DENND5A: variants seen among roughly 807,000 people sequenced by gnomAD.
DENND5A encodes DENN domain containing 5A.
Under a neutral mutation model 140.3 loss-of-function variants are expected in DENND5A, and 64 were observed. That is an observed-to-expected ratio of 0.46 (90% confidence interval 0.37 to 0.56). The LOEUF (loss-of-function observed/expected upper bound fraction) is 0.56. DENND5A is among the 20% of genes least tolerant of loss of function. The probability of loss-of-function intolerance (pLI) is 0.00; values close to 1 mark genes in which losing one functional copy is unlikely to be tolerated. For synonymous variants in DENND5A, 605 were observed against 607.7 expected, an observed-to-expected ratio of 1.00 and a Z score of 0.07; for missense variants, 1,292 against 1,593.8, an observed-to-expected ratio of 0.81 and a Z score of 3.22.
Position 9,265,043 on chromosome 11 carries a change from G to C in DENND5A, c.27C>G (p.Gly9=). MSGGGGGG[G]SAPSRFADYF... ...AGTCGGCGAAGCGACTGGGCGCCGA[G>C]CCCCCTCCGCCGCCGCCGCCACTCA... Residue 9 remains glycine, a synonymous_variant, in exon 1 of 23, where the codon GGC becomes GGG. Coordinates refer to ENST00000328194, the MANE Select transcript of DENND5A (RefSeq NM_015213.4). The surrounding 1 kb of genome is among the most constrained non-coding windows in gnomAD (Gnocchi z 4.7). 1 of 1,553,592 alleles carries C rather than the reference G, an allele frequency of 6.4e-7. No individual in the cohort carries two copies. The highest frequency in any genetic ancestry group is 8.7e-7 in the Non-Finnish European group (1 of 1,153,456).
intron 4 of DENND5A, among the ~76,000 whole-genome samples, chr11:9,202,760 G>A (rs1285475344): frequency 6.6e-6 from 1 of 151,992 alleles, no homozygotes; most frequent in Admixed American, 6.6e-5. Flanking sequence ...AATACACGAA[G>A]CACATTCTTG....
intron 14 of DENND5A, 58 bp downstream of exon 14, chr11:9,150,622 C>G (rs2136123441): frequency 7.7e-7 from 1 of 1,293,304 alleles, no homozygotes; most frequent in East Asian, 2.3e-5. Flanking sequence ...AAGTGGACAC[C>G]TAAGCAGCAA....
chr11:9,139,974 C>A, intron 22 of DENND5A, 120 bp from the exon 23 acceptor site: 1 of 1,069,808 alleles, frequency 9.3e-7, no homozygotes, highest in South Asian at 1.6e-5. Flanking sequence ...AGCTGACAGC[C>A]CCCCACACCC....
rs549440908 is a variant in DENND5A, at chr11:9,171,468, T to C, written c.1907-691A>G. The stretch of plus-strand genomic sequence containing the variant: ...AAGCACAAAGAAATCAAATTATTTC[T>C]AAGTAACTTAACTACATCCCAGAAC... On this transcript the variant is annotated intron_variant, in intron 8 of 22. Transcript: ENST00000328194. 2.0e-5 allele frequency: 3 copies of C among 152,344 alleles called. No homozygotes were observed. In the East Asian group the frequency reaches 5.8e-4, roughly 29 times the overall value. 9.4% of individuals were successfully genotyped at this position (152,344 alleles called of 1,614,324 possible).
At chr11:9,240,070 C>G (rs1291025268) in intron 1 of DENND5A, among the ~76,000 whole-genome samples, 5 of 152,128 alleles carry the variant, frequency 3.3e-5, no homozygotes, top group Non-Finnish European at 5.9e-5. Flanking sequence ...TACTCTTTCC[C>G]TCTCTTGAAC....
At position 9,143,486 on chromosome 11, in the gene DENND5A, C is replaced by T; in HGVS notation, c.3305-1G>A. ...TCCTGGATCTGCCCAGTGTTCAGCT[C>T]TAATAAAAATCAAGCAGACATCCCT... On this transcript the variant is annotated splice_acceptor_variant, in intron 19 of 22. Coordinates refer to ENST00000328194, the MANE Select transcript of DENND5A (RefSeq NM_015213.4). LOFTEE classifies it high-confidence loss of function. 1 of 1,613,588 alleles carries T rather than the reference C, an allele frequency of 6.2e-7. No individual in the cohort carries two copies. Among genetic ancestry groups the T allele is most frequent in the Non-Finnish European group, 8.5e-7 (1 of 1,179,524 alleles).
intron 1 of DENND5A, among the ~76,000 whole-genome samples, chr11:9,222,080 A>G (rs1190335582): frequency 1.3e-5 from 2 of 152,156 alleles, no homozygotes; most frequent in Non-Finnish European, 2.9e-5. Context: ...TCCAATTATA[A>G]TTTTACAAAT....
chr11:9,199,878 A>G (rs1849467470), intron 4 of DENND5A, among the ~76,000 whole-genome samples: 1 of 152,246 alleles, frequency 6.6e-6, no homozygotes, highest in African/African-American at 2.4e-5. Context: ...AAAGCACTCT[A>G]TTAACAACAA....
intron 1 of DENND5A, among the ~76,000 whole-genome samples, chr11:9,263,103 T>A (rs1348959877): frequency 1.3e-5 from 2 of 152,262 alleles, no homozygotes; most frequent in African/African-American, 4.8e-5. Flanking sequence ...AAAAGCCTAA[T>A]ATTAATTATA....
chr11:9,255,861 T>C lies in DENND5A; in HGVS notation c.109+9100A>G, dbSNP rs1425754863. ...GCCTGGGCGACAGAGTGAGACTCCGTCTAAAAAAAAAAAAAAAATCCAGGC... is the reference window on the plus strand; with the variant it reads ...GCCTGGGCGACAGAGTGAGACTCCGCCTAAAAAAAAAAAAAAAATCCAGGC... On this transcript the variant is annotated intron_variant, in intron 1 of 22. Coordinates refer to ENST00000328194, the MANE Select transcript of DENND5A (RefSeq NM_015213.4). Among the ~76,000 whole-genome samples, 5 of 144,896 alleles carry C rather than the reference T, an allele frequency of 3.5e-5. No individual in the cohort carries two copies. The East Asian group carries it at 6.1e-4, about 18-fold the overall frequency.
chr11:9,161,977 G>A (rs1419331713), intron 11 of DENND5A, among the ~76,000 whole-genome samples: 1 of 150,814 alleles, frequency 6.6e-6, no homozygotes, highest in African/African-American at 2.4e-5. Context: ...AGTAGCAATA[G>A]ATCTGGCCTT....
intron 1 of DENND5A, among the ~76,000 whole-genome samples, chr11:9,252,867 T>G (rs1851790494): frequency 1.3e-5 from 2 of 151,700 alleles, no homozygotes; most frequent in Admixed American, 1.3e-4. Context: ...TTTTTTTTTT[T>G]GAGTCAGGGT....
In DENND5A at chr11:9,139,718, A is replaced by G; in HGVS notation, c.3817T>C (p.Phe1273Leu). 2 of 1,613,550 alleles carry G rather than the reference A, an allele frequency of 1.2e-6. No homozygotes were observed. Among genetic ancestry groups the G allele is most frequent in the Non-Finnish European group, 1.7e-6 (2 of 1,179,892 alleles). ...LIRVLQTLQE[F>L]NITLETSLVK... ...AGGGACGTCTCCAGCGTGATGTTGA[A>G]CTCCTGCAATGTCTGCAGCACACGA... Residue 1273 changes from phenylalanine (F) to leucine (L), a missense_variant, in exon 23 of 23, where the codon TTC becomes CTC. Phe to Leu is a conservative substitution (Grantham distance 22). Transcript: ENST00000328194.
intron 1 of DENND5A, among the ~76,000 whole-genome samples, chr11:9,207,929 G>A (rs559575668): frequency 1.3e-4 from 20 of 152,184 alleles, no homozygotes; most frequent in Admixed American, 7.9e-4. Context: ...ATAGTAGAAC[G>A]AAGAGCTCAA....
chr11:9,209,985 T>C (rs1411747519), intron 1 of DENND5A, among the ~76,000 whole-genome samples: 2 of 151,952 alleles, frequency 1.3e-5, no homozygotes, highest in Non-Finnish European at 2.9e-5. Context: ...CGGACACCTG[T>C]AATCCCAGCT....
chr11:9,182,201 A>G (rs1848755311), intron 5 of DENND5A, among the ~76,000 whole-genome samples: 1 of 152,172 alleles, frequency 6.6e-6, no homozygotes, highest in Admixed American at 6.5e-5. Flanking sequence ...CTGTAATCCC[A>G]GCTACTCGGG....
chr11:9,169,821 G>GC, intron 10 of DENND5A, 35 bp downstream of exon 10: 1 of 1,251,350 alleles, frequency 8.0e-7, no homozygotes, highest in East Asian at 2.3e-5. Context: ...CAGCATGATA[G>GC]CAAGGTCATC....
At chr11:9,249,152 C>T (rs1302317389) in intron 1 of DENND5A, among the ~76,000 whole-genome samples, 5 of 151,534 alleles carry the variant, frequency 3.3e-5, no homozygotes, top group Admixed American at 3.3e-4. Flanking sequence ...GGCGTGAACC[C>T]GGGAGGTGGA....
chr11:9,143,208 A>G, intron 20 of DENND5A, 195 bp downstream of exon 20: 1 of 639,790 alleles, frequency 1.6e-6, no homozygotes, highest in Non-Finnish European at 2.8e-6. Flanking sequence ...TGGAGGGAAA[A>G]CAGGGTAACC....
Sources: allele counts gnomAD v4.1 joint callset (sites outside exome capture counted in the v4.1 genomes callset), GRCh38; gene constraint gnomAD v4.1.1; non-coding constraint Gnocchi (gnomAD v3.1); transcripts MANE v1.5; gene names NCBI Gene and HGNC (gene_info 2026-07-23, HGNC 2026-07-21).